The following PRKN variants were observed in gnomAD, a reference collection of about 807,000 sequenced individuals.
The protein encoded by PRKN is E3 ubiquitin-protein ligase parkin.
A neutral mutation model predicts 59.5 loss-of-function variants in PRKN; 56 were observed. That is an observed-to-expected ratio of 0.94 (90% CI 0.76 to 1.18). The LOEUF (loss-of-function observed/expected upper bound fraction) is 1.18, where lower values mean the gene tolerates loss of function less well. PRKN is among the 50% of genes most tolerant of loss of function. The pLI is 0.00. For missense variants in PRKN, 657 were observed against 596.4 expected (o/e 1.10, Z -1.06); for synonymous variants, 250 against 222.1 (o/e 1.13, Z -1.12).
At chr6:161,836,601 CAG>C (rs1237661218) in intron 6 of PRKN, among the ~76,000 whole-genome samples, 3 of 152,160 alleles carry the variant, frequency 2.0e-5, no homozygotes, top group Admixed American at 1.3e-4. Context: ...ACGTGTAAAC[CAG>C]AGACGATCAT....
intron 1 of PRKN, among the ~76,000 whole-genome samples, chr6:162,615,830 GT>G (rs1362129632): frequency 6.6e-6 from 1 of 152,180 alleles, no homozygotes; most frequent in Non-Finnish European, 1.5e-5. Context: ...TGGGTAAAAA[GT>G]TTTGTTCATT....
chr6:162,129,845 A>G (rs902088550), intron 4 of PRKN, among the ~76,000 whole-genome samples: 1 of 152,204 alleles, frequency 6.6e-6, no homozygotes, highest in Non-Finnish European at 1.5e-5. Flanking sequence ...TTTTTACAAC[A>G]TCTGAGAAAC....
intron 6 of PRKN, among the ~76,000 whole-genome samples, chr6:161,814,637 A>G (rs867362388): frequency 1.1e-4 from 17 of 151,994 alleles, no homozygotes; most frequent in South Asian, 2.1e-4. Context: ...CAAGTAGCTG[A>G]GATTACAGGC....
At chr6:162,046,236 A>G (rs139213909) in intron 5 of PRKN, among the ~76,000 whole-genome samples, 1 of 152,210 alleles carries the variant, frequency 6.6e-6, no homozygotes, top group Non-Finnish European at 1.5e-5. Context: ...TTCTATGGAA[A>G]GGCAAAAAAC....
chr6:161,852,470 C>T (rs1793479534), intron 6 of PRKN, among the ~76,000 whole-genome samples: 1 of 152,068 alleles, frequency 6.6e-6, no homozygotes, highest in Non-Finnish European at 1.5e-5. Flanking sequence ...CACACTCAGA[C>T]ACATATGCCA....
At chr6:162,606,957 C>T (rs911111551) in intron 1 of PRKN, among the ~76,000 whole-genome samples, 4 of 152,160 alleles carry the variant, frequency 2.6e-5, no homozygotes, top group East Asian at 1.9e-4. Flanking sequence ...AAGTGATTCA[C>T]CTACCCTGGC....
At chr6:162,634,982 T>C (rs1436356616) in intron 1 of PRKN, among the ~76,000 whole-genome samples, 1 of 152,228 alleles carries the variant, frequency 6.6e-6, no homozygotes, top group Non-Finnish European at 1.5e-5. Flanking sequence ...TCTCTAAAAT[T>C]CCCTAATTTC....
intron 4 of PRKN, among the ~76,000 whole-genome samples, chr6:162,195,915 T>C (rs1457085445): frequency 1.3e-5 from 2 of 152,246 alleles, no homozygotes; most frequent in Non-Finnish European, 2.9e-5. Flanking sequence ...AGATGCTGTA[T>C]GTGCTCTCAG....
At chr6:162,064,004 C>T (rs1437125043) in intron 4 of PRKN, among the ~76,000 whole-genome samples, 1 of 152,150 alleles carries the variant, frequency 6.6e-6, no homozygotes, top group Non-Finnish European at 1.5e-5. Context: ...TTAACCCAAA[C>T]CTGGAAACAA....
In PRKN at chr6:161,593,029, T is replaced by C. The variant is rs1188356741; in HGVS notation, c.872-23613A>G. ...TAATGTGAGATTTACAGAAGAGTTGTAACGACTGCACAGAGCGTCCTCAGA... is the reference window on the plus strand; with the variant it reads ...TAATGTGAGATTTACAGAAGAGTTGCAACGACTGCACAGAGCGTCCTCAGA... On this transcript the variant is annotated intron_variant, in intron 7 of 11. Coordinates refer to ENST00000366898, the MANE Select transcript of PRKN (RefSeq NM_004562.3). The surrounding 1 kb of genome is among the most constrained non-coding windows in gnomAD (Gnocchi z 4.8). Among the ~76,000 whole-genome samples, 3 of 152,186 alleles carry C rather than the reference T, an allele frequency of 2.0e-5. No homozygotes were observed. The highest frequency in any genetic ancestry group is 4.4e-5 in the Non-Finnish European group (3 of 68,026).
intron 5 of PRKN, among the ~76,000 whole-genome samples, chr6:162,004,812 C>T (rs552926084): frequency 4.7e-4 from 72 of 152,256 alleles, no homozygotes; most frequent in African/African-American, 1.7e-3. Flanking sequence ...TAAGTGGCTC[C>T]TCAGGCTCAC....
intron 6 of PRKN, among the ~76,000 whole-genome samples, chr6:161,955,069 G>A (rs1784596): frequency 0.24 from 36,756 of 152,108 alleles, 5,155 homozygotes; most frequent in East Asian, 0.32. Context: ...AAGCAGTCTC[G>A]GAGGAAGTCA....
At chr6:161,682,753 G>A (rs932082358) in intron 7 of PRKN, among the ~76,000 whole-genome samples, 1 of 152,182 alleles carries the variant, frequency 6.6e-6, no homozygotes, top group African/African-American at 2.4e-5. Context: ...AAGACGCGAG[G>A]CCTGGTGGGA....
In PRKN at chr6:161,459,870, A is replaced by C. The variant is rs115463014; in HGVS notation, c.1084-72993T>G. On this transcript the variant is annotated intron_variant, in intron 9 of 11. Coordinates refer to ENST00000366898, the MANE Select transcript of PRKN (RefSeq NM_004562.3). This position sits in a 1 kb window ranked among gnomAD's most constrained non-coding sequence, Gnocchi z 4.8. ...GCCCAGAAATGGGTCAGCAGAAACT[A>C]TTATATTGAAAGTTGGTTTCTTGGT... Among the ~76,000 whole-genome samples, 2,125 of 152,266 alleles carry C rather than the reference A, an allele frequency of 0.014. 61 individuals are homozygous for C. Among genetic ancestry groups the C allele is most frequent in the African/African-American group, 0.048 (1,997 of 41,546 alleles).
rs186216336 is a variant in PRKN at position 162,283,368 on chromosome 6, G to A, written c.172-20603C>T. Reference sequence around the variant, plus strand: ...ATATTTCAATCCAACTGAAATGTACGTGTGAGTGTGTGTGTTTGTATGTAT... The same window carrying A: ...ATATTTCAATCCAACTGAAATGTACATGTGAGTGTGTGTGTTTGTATGTAT... On this transcript the variant is annotated intron_variant, in intron 2 of 11. Coordinates refer to ENST00000366898, the MANE Select transcript of PRKN (RefSeq NM_004562.3). Among the ~76,000 whole-genome samples, 463 of 149,532 alleles carry A rather than the reference G, an allele frequency of 3.1e-3. 2 individuals carry two copies. The highest frequency in any genetic ancestry group is 0.01 in the African/African-American group (393 of 38,944).
intron 1 of PRKN, among the ~76,000 whole-genome samples, chr6:162,451,133 A>T (rs1790603898): frequency 6.6e-6 from 1 of 152,178 alleles, no homozygotes; most frequent in South Asian, 2.1e-4. Flanking sequence ...AAACAAACAA[A>T]CAAAGAACCA....
rs1785049208 is a variant in PRKN, at chr6:161,363,203, C to T, written c.1168-2998G>A. 6.6e-6 allele frequency among the ~76,000 whole-genome samples: 1 copy of T among 152,172 alleles called. No individual in the cohort carries two copies. Among genetic ancestry groups the T allele is most frequent in the South Asian group, 2.1e-4 (1 of 4,830 alleles). On this transcript the variant is annotated intron_variant, in intron 10 of 11. Transcript: ENST00000366898. The surrounding 1 kb of genome is among the most constrained non-coding windows in gnomAD (Gnocchi z 4.1). ...GTTGCAGTGAGCCGAGATTTTGCCACTGCATTCCAGTCCCGGTGATGGAGT... is the reference window on the plus strand; with the variant it reads ...GTTGCAGTGAGCCGAGATTTTGCCATTGCATTCCAGTCCCGGTGATGGAGT...
At chr6:161,874,201 ATT>A (rs1794515765) in intron 6 of PRKN, among the ~76,000 whole-genome samples, 1 of 64,232 alleles carries the variant, frequency 1.6e-5, no homozygotes, top group Non-Finnish European at 2.5e-5. Flanking sequence ...TATAATATAT[ATT>A]ATATGTAAAA....
At chr6:162,172,130 G>A (rs1378788896) in intron 4 of PRKN, among the ~76,000 whole-genome samples, 1 of 152,228 alleles carries the variant, frequency 6.6e-6, no homozygotes, top group South Asian at 2.1e-4. Context: ...TGATAGAACT[G>A]AGTGCTGAGC....
Sources: allele counts gnomAD v4.1 joint callset (sites outside exome capture counted in the v4.1 genomes callset), GRCh38; gene constraint gnomAD v4.1.1; non-coding constraint Gnocchi (gnomAD v3.1); transcripts MANE v1.5; gene names NCBI Gene and HGNC (gene_info 2026-07-23, HGNC 2026-07-21).